The following LRRC31 variants were observed in gnomAD, a reference collection of about 807,000 sequenced individuals.
The protein encoded by LRRC31 is leucine-rich repeat-containing protein 31.
In LRRC31, 35 loss-of-function variants were observed where a neutral mutation model predicts 46.7. That is an observed-to-expected ratio of 0.75 (90% confidence interval 0.57 to 0.99). LRRC31 has a LOEUF of 0.99. LRRC31 is among the 50% of genes least tolerant of loss of function. LRRC31 has a pLI of 0.00. For synonymous variants in LRRC31, 236 were observed against 235.1 expected, an observed-to-expected ratio of 1.00 and a Z score of -0.03; for missense variants, 613 against 626.1, an observed-to-expected ratio of 0.98 and a Z score of 0.22.
chr3:169,857,751 G>A (rs1781013685), intron 3 of LRRC31, among the ~76,000 whole-genome samples: 1 of 152,040 alleles, frequency 6.6e-6, no homozygotes, highest in Admixed American at 6.6e-5. Flanking sequence ...CAAGTCCCCT[G>A]TATCTAGAAC....
At chr3:169,851,907 C>T (rs1780786510) in intron 6 of LRRC31, 121 bp from the exon 7 acceptor site, 1 of 965,254 alleles carries the variant, frequency 1.0e-6, no homozygotes, top group Non-Finnish European at 1.6e-6. Context: ...CCCCGGCCCT[C>T]CCTCCTTTAT....
At chr3:169,868,342 CA>C (rs146273936) in intron 1 of LRRC31, among the ~76,000 whole-genome samples, 7,771 of 152,284 alleles carry the variant, frequency 0.051, 295 homozygotes, top group Middle Eastern at 0.12. Flanking sequence ...ATTCATTCAG[CA>C]AAGCTGATTT....
chr3:169,868,929 T>C (rs1014555668), intron 1 of LRRC31, among the ~76,000 whole-genome samples: 2 of 151,976 alleles, frequency 1.3e-5, no homozygotes, highest in Admixed American at 6.6e-5. Flanking sequence ...GAGGTGTGGA[T>C]GGTTAATGGG....
intron 8 of LRRC31, among the ~76,000 whole-genome samples, chr3:169,844,585 A>AGCCAGCT (rs1481322046): frequency 1.3e-5 from 2 of 152,218 alleles, no homozygotes; most frequent in African/African-American, 2.4e-5. Context: ...TTGGAAATCT[A>AGCCAGCT]GCCAGCTAAA....
At chr3:169,846,577 G>A (rs1780611257) in intron 8 of LRRC31, among the ~76,000 whole-genome samples, 1 of 152,154 alleles carries the variant, frequency 6.6e-6, no homozygotes, top group Admixed American at 6.5e-5. Flanking sequence ...GAACATGGCA[G>A]GCGGAGGTTG....
At chr3:169,853,317 C>A (rs1284695149) in intron 6 of LRRC31, 5 of 984,970 alleles carry the variant, frequency 5.1e-6, no homozygotes, top group Non-Finnish European at 6.0e-6. Context: ...AAGTACAAAG[C>A]AGGATGTATT....
intron 8 of LRRC31, among the ~76,000 whole-genome samples, chr3:169,845,228 G>C (rs1780568919): frequency 6.6e-6 from 1 of 152,078 alleles, no homozygotes; most frequent in Non-Finnish European, 1.5e-5. Flanking sequence ...CTTAAATACA[G>C]AGATAGACTG....
intron 6 of LRRC31, chr3:169,853,236 T>C: frequency 1.0e-6 from 1 of 985,274 alleles, no homozygotes; most frequent in African/African-American, 1.7e-5. Flanking sequence ...GCTTAAAGGA[T>C]CTATAATTCC....
In LRRC31 at chr3:169,869,772, T is replaced by C. The variant is rs373424345; in HGVS notation, c.36A>G (p.Gly12=). 3 of 1,612,882 alleles carry C rather than the reference T, an allele frequency of 1.9e-6. No individual in the cohort carries two copies. Among genetic ancestry groups the C allele is most frequent in the African/African-American group, 1.3e-5 (1 of 74,914 alleles). Residue 12 remains glycine, a synonymous_variant, in exon 1 of 9, where the codon GGA becomes GGG. Coordinates refer to ENST00000316428, the MANE Select transcript of LRRC31 (RefSeq NM_024727.4). ...SQTRKKTSSE[G]ETKPQTSTVN... is the part of the protein sequence containing the mutation. ...CAGTTGAAGTCTGGGGCTTAGTTTC[T>C]CCTTCTGAGGAAGTTTTCTTCCTTG...
rs565745893 is a variant in LRRC31, at chr3:169,844,761, G to A, written c.1327+3359C>T. The stretch of plus-strand genomic sequence containing the variant: ...ATCCTGACCAACATGGTGAAACCCC[G>A]TCTGTATTAAAAACACAAAAACTAG... On this transcript the variant is annotated intron_variant, in intron 8 of 8. Coordinates refer to ENST00000316428, the MANE Select transcript of LRRC31 (RefSeq NM_024727.4). Among the ~76,000 whole-genome samples the A allele has an allele frequency of 6.2e-4, 95 of 152,014 alleles. 1 individual carries two copies. Among genetic ancestry groups the A allele is most frequent in the African/African-American group, 2.1e-3 (86 of 41,474 alleles).
At chr3:169,844,721 C>G (rs1780551595) in intron 8 of LRRC31, among the ~76,000 whole-genome samples, 1 of 152,132 alleles carries the variant, frequency 6.6e-6, no homozygotes, top group Non-Finnish European at 1.5e-5. Flanking sequence ...ATCACGAGGT[C>G]AGGAGATCGA....
Position 169,856,723 on chromosome 3 carries a change from C to G in LRRC31, c.637G>C (p.Glu213Gln). ...CACTTACCCAGAAATGTCCCATCTT[C>G]TGACGTGAGGGAGCAATCCACAAGC... ...IELVDCSLTS[E>Q]DGTFLGQLLP... The change falls in exon 4 of 9, where the codon GAA (glutamate) becomes CAA (glutamine). Residue 213 changes from glutamate (E) to glutamine (Q), a missense_variant. By Grantham distance (29) the Glu-to-Gln change is conservative (BLOSUM62 2). Coordinates refer to ENST00000316428, the MANE Select transcript of LRRC31 (RefSeq NM_024727.4). 1 of 1,584,386 alleles carries G rather than the reference C, an allele frequency of 6.3e-7. No homozygotes were observed. The highest frequency in any genetic ancestry group is 8.6e-7 in the Non-Finnish European group (1 of 1,164,388).
At chr3:169,861,443 C>A (rs1366081721) in intron 2 of LRRC31, among the ~76,000 whole-genome samples, 1 of 151,338 alleles carries the variant, frequency 6.6e-6, no homozygotes, top group Admixed American at 6.6e-5. Context: ...TGGCGTGAAC[C>A]CGGGAGGCGG....
chr3:169,857,317 CCTATATATAT>C (rs1311932399), intron 3 of LRRC31, among the ~76,000 whole-genome samples: 3 of 55,584 alleles, frequency 5.4e-5, no homozygotes, highest in African/African-American at 1.9e-4. Flanking sequence ...ATATCACATG[CCTATATATAT>C]ATATATATAT....
intron 3 of LRRC31, among the ~76,000 whole-genome samples, chr3:169,857,500 A>G (rs182647351): frequency 1.4e-5 from 2 of 147,988 alleles, no homozygotes; most frequent in East Asian, 4.2e-4. Context: ...AGGCACTAGA[A>G]GCTTATAACA....
chr3:169,857,090 A>T (rs1780972155), intron 3 of LRRC31, among the ~76,000 whole-genome samples: 1 of 151,812 alleles, frequency 6.6e-6, no homozygotes, highest in Non-Finnish European at 1.5e-5. Context: ...TCCCTCCAAA[A>T]TTCTGAAGCC....
intron 1 of LRRC31, among the ~76,000 whole-genome samples, chr3:169,868,897 G>T (rs140715505): frequency 6.6e-6 from 1 of 152,058 alleles, no homozygotes; most frequent in Non-Finnish European, 1.5e-5. Flanking sequence ...GGCTGGGAAG[G>T]GTGTGTGTGT....
intron 3 of LRRC31, among the ~76,000 whole-genome samples, chr3:169,857,331 TATATATATATATATAC>T (rs1196834920): frequency 9.2e-6 from 1 of 109,134 alleles, no homozygotes; most frequent in African/African-American, 3.3e-5. Flanking sequence ...TATATATATA[TATATATATATATATAC>T]ACACACACAC....
chr3:169,869,424 C>T (rs1781424484), intron 1 of LRRC31, among the ~76,000 whole-genome samples: 1 of 151,894 alleles, frequency 6.6e-6, no homozygotes, highest in Non-Finnish European at 1.5e-5. Flanking sequence ...TTGTTTGTAA[C>T]ACAAAGGATA....
Sources: allele counts gnomAD v4.1 joint callset (sites outside exome capture counted in the v4.1 genomes callset), GRCh38; gene constraint gnomAD v4.1.1; transcripts MANE v1.5; gene names NCBI Gene and HGNC (gene_info 2026-07-23, HGNC 2026-07-21).